ANKRD31: variants seen among roughly 807,000 people sequenced by gnomAD.
ANKRD31 encodes the protein ankyrin repeat domain-containing protein 31.
In ANKRD31, 147 loss-of-function variants were observed where a neutral mutation model predicts 186.0. The ratio of observed to expected loss-of-function variants is 0.79; its 90% CI spans 0.69 to 0.91. ANKRD31 has a LOEUF of 0.91. Among genes scored for constraint, ANKRD31 ranks in the 40% least tolerant of loss-of-function variants. ANKRD31 has a pLI of 0.00. For synonymous variants in ANKRD31, 673 were observed against 736.4 expected, an observed-to-expected ratio of 0.91 and a Z score of 1.39; for missense variants, 1,986 against 2,148.8, an observed-to-expected ratio of 0.92 and a Z score of 1.50.
intron 25 of ANKRD31, among the ~76,000 whole-genome samples, chr5:75,075,952 A>G (rs897781532): frequency 2.0e-5 from 3 of 152,196 alleles, no homozygotes; most frequent in African/African-American, 7.2e-5. Flanking sequence ...TTCACTTTTA[A>G]GTCTAAAATT....
chr5:75,175,752 G>A (rs764868332), intron 10 of ANKRD31, among the ~76,000 whole-genome samples: 15 of 152,032 alleles, frequency 9.9e-5, no homozygotes, highest in Admixed American at 3.9e-4. Context: ...GTTGGTTGGG[G>A]TGGAGCCAAG....
intron 25 of ANKRD31, among the ~76,000 whole-genome samples, chr5:75,072,500 CTG>C (rs1230651688): frequency 2.0e-5 from 3 of 152,202 alleles, no homozygotes; most frequent in Non-Finnish European, 4.4e-5. Flanking sequence ...CTTGGTGACT[CTG>C]TGTTGCTGCT....
intron 25 of ANKRD31, among the ~76,000 whole-genome samples, chr5:75,079,454 A>G (rs531513042): frequency 1.1e-4 from 17 of 150,482 alleles, no homozygotes; most frequent in Non-Finnish European, 2.2e-4. Flanking sequence ...GAAAATGTGA[A>G]AGCCACCACT....
At chr5:75,137,807 T>C in intron 17 of ANKRD31, 49 bp downstream of exon 17, 1 of 1,347,812 alleles carries the variant, frequency 7.4e-7, no homozygotes, top group Non-Finnish European at 9.6e-7. Flanking sequence ...TTTTCTTCAT[T>C]CATTTCCTAA....
intron 10 of ANKRD31, among the ~76,000 whole-genome samples, chr5:75,173,111 A>G (rs1054682712): frequency 2.0e-5 from 3 of 152,174 alleles, no homozygotes; most frequent in Non-Finnish European, 2.9e-5. Context: ...GTAATCCATC[A>G]CATAAACAGA....
chr5:75,167,396 C>G (rs1026029858), intron 11 of ANKRD31, among the ~76,000 whole-genome samples: 3 of 152,244 alleles, frequency 2.0e-5, no homozygotes, highest in Non-Finnish European at 4.4e-5. Flanking sequence ...GGCATTTCAG[C>G]AATCCAATAC....
rs1279723268 is a variant in ANKRD31, at chr5:75,188,523, CT to C, written c.1533del (p.Gly512ValfsTer20). 3 of 1,535,496 alleles carry C rather than the reference CT, an allele frequency of 2.0e-6. No individual in the cohort carries two copies. Among genetic ancestry groups the C allele is most frequent in the Admixed American group, 2.0e-5 (1 of 50,750 alleles). The stretch of plus-strand genomic sequence containing the variant: ...TAACTTGGCTGATTAACATTTCCAC[CT>C]TTTTTTATACAATGATGAACAAGAT... ...DADLVHHCIK[K>X]GGNVNQPSYA... On this transcript the variant is annotated frameshift_variant, in exon 10 of 26. Transcript: ENST00000506364. LOFTEE classifies it high-confidence loss of function.
intron 22 of ANKRD31, among the ~76,000 whole-genome samples, chr5:75,098,001 T>C (rs1746472039): frequency 1.3e-5 from 2 of 152,114 alleles, no homozygotes; most frequent in South Asian, 4.1e-4. Context: ...GGCTCTGTTG[T>C]GTTCCATTGG....
chr5:75,106,549 T>A (rs2150061386), intron 21 of ANKRD31, among the ~76,000 whole-genome samples: 1 of 152,160 alleles, frequency 6.6e-6, no homozygotes, highest in Non-Finnish European at 1.5e-5. Context: ...GACACAAAAC[T>A]TAAGATTATC....
At chr5:75,187,149 T>TGTGTGTGTGTGTGTG (rs1561518092) in intron 10 of ANKRD31, among the ~76,000 whole-genome samples, 14 of 148,510 alleles carry the variant, frequency 9.4e-5, no homozygotes, top group South Asian at 4.2e-4. Context: ...TGTGTGTGTG[T>TGTGTGTGTGTGTGTG]TTTGGGAGGT....
Position 75,138,846 on chromosome 5 carries a change from C to T in ANKRD31, c.3733G>A (p.Gly1245Ser), listed in dbSNP as rs1389676393. Residue 1245 changes from glycine (G) to serine (S), a missense_variant and splice_region_variant, in exon 16 of 26, where the codon GGT becomes AGT. Physicochemically the swap from Gly to Ser is moderately conservative, Grantham distance 56 (BLOSUM62 0). Coordinates refer to ENST00000506364, the MANE Select transcript of ANKRD31 (RefSeq NM_001372053.1). The part of the protein sequence containing the change: ...GADVNLNDNA[G>S]WTPLHEASNE... Reference sequence around the variant, plus strand: ...GTAATTAAATTAAAAGGATCCAAACCTGCATTATCATTTAGATTCACATCT... The same window carrying T: ...GTAATTAAATTAAAAGGATCCAAACTTGCATTATCATTTAGATTCACATCT... 4 of 1,535,438 alleles carry T rather than the reference C, an allele frequency of 2.6e-6. No individual in the cohort carries two copies. Among genetic ancestry groups the T allele is most frequent in the Non-Finnish European group, 2.6e-6 (3 of 1,146,002 alleles).
rs1470601277 is a variant in ANKRD31, at chr5:75,195,870, T to G, written c.778A>C (p.Ser260Arg). 6.6e-7 allele frequency: 1 copy of G among 1,525,288 alleles called. No individual in the cohort carries two copies. The highest frequency in any genetic ancestry group is 8.7e-7 in the Non-Finnish European group (1 of 1,145,432). 94.5% of individuals were successfully genotyped at this position (1,525,288 alleles called of 1,614,324 possible). A position where few individuals can be genotyped will look rare whatever the true frequency, so the allele number is the denominator to read the frequency against. ...GAATTCAAAGGTATTGATATGGAACTAAGAGAGTCACTCAATGGGTTCATC... is the reference window on the plus strand; with the variant it reads ...GAATTCAAAGGTATTGATATGGAACGAAGAGAGTCACTCAATGGGTTCATC... Reference protein sequence around the residue: ...ELMNPLSDSLSSISIPLNSWS... With the variant: ...ELMNPLSDSLRSISIPLNSWS... The change falls in exon 7 of 26, where the codon AGT becomes CGT. Residue 260 changes from serine to arginine, a missense_variant. Ser to Arg is a moderately radical substitution (Grantham distance 110, BLOSUM62 -1). Coordinates refer to ENST00000506364, the MANE Select transcript of ANKRD31 (RefSeq NM_001372053.1).
intron 10 of ANKRD31, among the ~76,000 whole-genome samples, chr5:75,180,821 G>T (rs1171455663): frequency 6.6e-6 from 1 of 152,126 alleles, no homozygotes; most frequent in African/African-American, 2.4e-5. Context: ...ACATAGGCAT[G>T]GGCAAGGACT....
At chr5:75,203,594 T>C (rs1841891) in intron 5 of ANKRD31, among the ~76,000 whole-genome samples, 75,817 of 146,680 alleles carry the variant, frequency 0.52, 22,268 homozygotes, top group African/African-American at 0.83. Flanking sequence ...ACCCGGGAGG[T>C]GGAGGTTGCA....
intron 23 of ANKRD31, among the ~76,000 whole-genome samples, chr5:75,085,322 C>A (rs1015167562): frequency 1.3e-5 from 2 of 152,100 alleles, no homozygotes; most frequent in African/African-American, 4.8e-5. Context: ...CACAGAGTGC[C>A]TGACGATACT....
chr5:75,092,637 G>A (rs1452573155), intron 22 of ANKRD31, among the ~76,000 whole-genome samples: 1 of 152,106 alleles, frequency 6.6e-6, no homozygotes, highest in African/African-American at 2.4e-5. Flanking sequence ...AAGAGAAGGT[G>A]GGGTAGAGTT....
intron 18 of ANKRD31, among the ~76,000 whole-genome samples, 180 bp from the exon 19 acceptor site, chr5:75,116,861 T>C (rs746804162): frequency 3.3e-5 from 5 of 152,186 alleles, no homozygotes; most frequent in Non-Finnish European, 7.3e-5. Context: ...TGAGCACTTG[T>C]CATATGCTGG....
Position 75,236,738 on chromosome 5 carries a change from C to G in ANKRD31, c.-52G>C. 1 of 1,413,794 alleles carries G rather than the reference C, an allele frequency of 7.1e-7. No homozygotes were observed. The highest frequency in any genetic ancestry group is 1.5e-5 in the African/African-American group (1 of 68,086). 87.6% of individuals were successfully genotyped at this position (1,413,794 alleles called of 1,614,324 possible). A position where few individuals can be genotyped will look rare whatever the true frequency, so the allele number is the denominator to read the frequency against. On this transcript the variant is annotated 5_prime_UTR_variant, in exon 1 of 26. Transcript: ENST00000506364. ...TACCCTCCTCTAACTCCCTCTTGCC[C>G]GCAAACAAAAAAACGCTTTGAGGGC...
At position 75,130,894 on chromosome 5, in the gene ANKRD31, C is replaced by T. The variant is rs910162876; in HGVS notation, c.3876+6962G>A. On this transcript the variant is annotated intron_variant, in intron 17 of 25. Transcript: ENST00000506364. Reference sequence around the variant, plus strand: ...CCACGGGACTTTGCAGCACCTAGCCCGGGCACTCCGGTAGCCCAGAGGGAG... The same window carrying T: ...CCACGGGACTTTGCAGCACCTAGCCTGGGCACTCCGGTAGCCCAGAGGGAG... Among the ~76,000 whole-genome samples, 12 of 152,336 alleles carry T rather than the reference C, an allele frequency of 7.9e-5. No individual in the cohort carries two copies. In the East Asian group the frequency reaches 1.5e-3, roughly 20 times the overall value.
Sources: gnomAD v4.1 joint callset for allele counts (sites outside exome capture counted in the v4.1 genomes callset) on GRCh38, gnomAD v4.1.1 for gene constraint, MANE v1.5 for transcripts, NCBI Gene and HGNC (gene_info 2026-07-23, HGNC 2026-07-21) for gene names.